Variants in HIBCH observed in about 807,000 individuals in gnomAD.
HIBCH encodes the protein 3-hydroxyisobutyryl-CoA hydrolase.
HIBCH carries 50 observed loss-of-function variants against 58.2 expected under a neutral mutation model. The observed-to-expected ratio is 0.86, with a 90% CI of 0.68 to 1.09. The LOEUF (loss-of-function observed/expected upper bound fraction) is 1.09, where lower values mean the gene tolerates loss of function less well. Ranked by LOEUF, HIBCH falls within the 50% of genes least tolerant of loss-of-function variation. The pLI, the probability that HIBCH is intolerant of heterozygous loss-of-function variation, is 0.00. For synonymous variants in HIBCH, 151 were observed against 146.9 expected, an observed-to-expected ratio of 1.03 and a Z score of -0.20; for missense variants, 450 against 449.7, an observed-to-expected ratio of 1.00 and a Z score of -0.01.
At chr2:190,194,853 G>A (rs1245216275) in intron 1 of HIBCH, among the ~76,000 whole-genome samples, 1 of 151,874 alleles carries the variant, frequency 6.6e-6, no homozygotes, top group Admixed American at 6.6e-5. Context: ...TCTTCCCATG[G>A]CTGGATTATT....
chr2:190,288,963 T>C lies in HIBCH; in HGVS notation c.386-1325A>G, dbSNP rs183689574. On this transcript the variant is annotated intron_variant, in intron 5 of 13. Transcript: ENST00000359678. ...CTGTCTCTACTTAAAATACAAAAAT[T>C]AGCAGGGTGTGGTGGTGCATGCCTG... Among the ~76,000 whole-genome samples the C allele has an allele frequency of 2.2e-3, 331 of 152,018 alleles. 1 individual carries two copies. The highest frequency in any genetic ancestry group is 3.7e-3 in the Admixed American group (56 of 15,252).
chr2:190,221,843 T>A (rs1196930510), intron 11 of HIBCH, among the ~76,000 whole-genome samples: 1 of 152,200 alleles, frequency 6.6e-6, no homozygotes, highest in Non-Finnish European at 1.5e-5. Context: ...TGGCCAGGGA[T>A]GGCCAGACTC....
downstream of HIBCH, chr2:190,200,701 G>T (rs916442304): frequency 1.2e-5 from 2 of 169,734 alleles, no homozygotes; most frequent in Non-Finnish European, 1.4e-5. Flanking sequence ...GATGAGAAGT[G>T]TAACTACCAC....
chr2:190,221,223 CAG>C (rs1298896415), intron 11 of HIBCH, among the ~76,000 whole-genome samples: 1 of 152,172 alleles, frequency 6.6e-6, no homozygotes, highest in African/African-American at 2.4e-5. Context: ...CAATCTAGCA[CAG>C]AGTCTTCGGG....
downstream of HIBCH, among the ~76,000 whole-genome samples, chr2:190,199,061 T>C (rs1397788831): frequency 2.6e-5 from 4 of 152,222 alleles, 1 homozygote; most frequent in Admixed American, 1.3e-4. Flanking sequence ...AAAGCCAACA[T>C]TGTTTACTAC....
chr2:190,193,140 A>G (rs1176346438), intron 1 of HIBCH, among the ~76,000 whole-genome samples: 1 of 152,122 alleles, frequency 6.6e-6, no homozygotes, highest in Non-Finnish European at 1.5e-5. Context: ...AGGCCTTCCT[A>G]TTAATACTTT....
rs750012707 is a variant in HIBCH, at chr2:190,205,240, G to T, written c.1046-8C>A. On this transcript the variant is annotated splice_region_variant and splice_polypyrimidine_tract_variant and intron_variant, in intron 13 of 13. Transcript: ENST00000359678. The stretch of plus-strand genomic sequence containing the variant: ...GGTCTTTATCAATTAAAACTGTCAA[G>T]AGAAGATACAAATGTTAATACCATT... The T allele has an allele frequency of 7.2e-7, 1 of 1,396,118 alleles. No homozygotes were observed. Among genetic ancestry groups the T allele is most frequent in the Non-Finnish European group, 1.0e-6 (1 of 982,388 alleles). 86.5% of individuals were successfully genotyped at this position (1,396,118 alleles called of 1,614,324 possible).
downstream of HIBCH, chr2:190,202,414 G>A (rs1455540359): frequency 6.0e-6 from 1 of 166,884 alleles, no homozygotes; most frequent in African/African-American, 2.4e-5. Context: ...AGGAGCAAAT[G>A]GGAGAAAGAT....
intron 11 of HIBCH, among the ~76,000 whole-genome samples, chr2:190,225,475 G>C (rs923811093): frequency 3.3e-5 from 5 of 152,188 alleles, no homozygotes; most frequent in African/African-American, 1.2e-4. Flanking sequence ...ACTACCATCA[G>C]AGAATACTAT....
intron 11 of HIBCH, among the ~76,000 whole-genome samples, chr2:190,224,751 C>T (rs1272674026): frequency 6.6e-6 from 1 of 152,186 alleles, no homozygotes; most frequent in African/African-American, 2.4e-5. Flanking sequence ...ACAAGGATAT[C>T]AAGGACTTGA....
At chr2:190,196,996 T>C (rs1199439420) in intron 1 of HIBCH, among the ~76,000 whole-genome samples, 5 of 152,154 alleles carry the variant, frequency 3.3e-5, no homozygotes, top group African/African-American at 4.8e-5. Flanking sequence ...TGAGCATATA[T>C]GGTGTCTTGT....
In HIBCH at chr2:190,259,319, A is replaced by ATGTGTGTGTGTGTGTGTGTG. The variant is rs370172555; in HGVS notation, c.517+1817_517+1836dup. On this transcript the variant is annotated intron_variant, in intron 7 of 13. Transcript: ENST00000359678. ...AAGTTTTGTAGTTTTCAGTATACAGATGTGTGTGTGTGTGTGTGTGTGTGT... is the reference window on the plus strand; with the variant it reads ...AAGTTTTGTAGTTTTCAGTATACAGATGTGTGTGTGTGTGTGTGTGTGTGTGTGTGTGTGTGTGTGTGTGT... 4.6e-3 allele frequency among the ~76,000 whole-genome samples: 559 copies of ATGTGTGTGTGTGTGTGTGTG among 122,176 alleles called. 13 individuals carry two copies. The highest frequency in any genetic ancestry group is 8.6e-3 in the Admixed American group (97 of 11,274). The allele number at this position is 122,176 out of a possible 152,430, so 80.2% of individuals were successfully genotyped here. A position where few individuals can be genotyped will look rare whatever the true frequency, so the allele number is the denominator to read the frequency against.
chr2:190,276,989 C>A (rs1415940022), intron 6 of HIBCH, among the ~76,000 whole-genome samples: 6 of 152,180 alleles, frequency 3.9e-5, no homozygotes, highest in African/African-American at 1.2e-4. Context: ...ATTTTTATTT[C>A]TATCTTAATT....
intron 6 of HIBCH, among the ~76,000 whole-genome samples, chr2:190,284,856 A>G (rs1687790583): frequency 6.6e-6 from 1 of 152,048 alleles, no homozygotes; most frequent in South Asian, 2.1e-4. Flanking sequence ...TTAATTATAC[A>G]TATCTGAGTT....
At chr2:190,252,350 G>A in intron 7 of HIBCH, 43 bp from the exon 8 acceptor site, 1 of 1,546,490 alleles carries the variant, frequency 6.5e-7, no homozygotes, top group East Asian at 2.3e-5. Context: ...TGATTCAAAT[G>A]AAAAAGATAA....
In HIBCH at chr2:190,254,966, T is replaced by C. The variant is rs552911819; in HGVS notation, c.518-2659A>G. On this transcript the variant is annotated intron_variant, in intron 7 of 13. Transcript: ENST00000359678. The surrounding 1 kb of genome is among the most constrained non-coding windows in gnomAD (Gnocchi z 5.0). The stretch of plus-strand genomic sequence containing the variant: ...GTTTTCTTTAAATTTAATTAATTTA[T>C]ATTAAAATTTTAAAAGCCACTTGTG... Among the ~76,000 whole-genome samples, 1 of 152,326 alleles carries C rather than the reference T, an allele frequency of 6.6e-6. No homozygotes were observed. The highest frequency in any genetic ancestry group is 1.5e-5 in the Non-Finnish European group (1 of 68,030).
intron 6 of HIBCH, among the ~76,000 whole-genome samples, chr2:190,277,537 G>A (rs1687586442): frequency 6.6e-6 from 1 of 152,072 alleles, no homozygotes; most frequent in African/African-American, 2.4e-5. Flanking sequence ...TTAGCTCCAC[G>A]TTATTCTCAC....
In HIBCH at chr2:190,254,020, TC is replaced by T. The variant is rs1686854298; in HGVS notation, c.518-1714del. Among the ~76,000 whole-genome samples the T allele has an allele frequency of 6.6e-6, 1 of 152,234 alleles. No individual in the cohort carries two copies. Among genetic ancestry groups the T allele is most frequent in the South Asian group, 2.1e-4 (1 of 4,824 alleles). On this transcript the variant is annotated intron_variant, in intron 7 of 13. Transcript: ENST00000359678. This position sits in a 1 kb window ranked among gnomAD's most constrained non-coding sequence, Gnocchi z 5.0. Reference sequence around the variant, plus strand: ...CCACCTCCTCTGCTTGACCTCTTGCTCAAGGTGCCTAAGCTCCATATTAGGC... The same window carrying T: ...CCACCTCCTCTGCTTGACCTCTTGCTAAGGTGCCTAAGCTCCATATTAGGC...
intron 3 of HIBCH, among the ~76,000 whole-genome samples, chr2:190,295,332 T>C (rs1168908672): frequency 3.3e-5 from 5 of 152,242 alleles, no homozygotes; most frequent in African/African-American, 9.6e-5. Flanking sequence ...AATATTTGCA[T>C]ATACAATATG....
Sources: gnomAD v4.1 joint callset for allele counts (sites outside exome capture counted in the v4.1 genomes callset) on GRCh38, gnomAD v4.1.1 for gene constraint, Gnocchi (gnomAD v3.1) non-coding constraint, MANE v1.5 for transcripts, NCBI Gene and HGNC (gene_info 2026-07-23, HGNC 2026-07-21) for gene names.